Variants in UBR1 observed in about 807,000 individuals in gnomAD.
The protein encoded by UBR1 is ubiquitin protein ligase E3 component n-recognin 1.
UBR1 carries 102 observed loss-of-function variants against 242.1 expected under a neutral mutation model. That is an observed-to-expected ratio of 0.42 (90% confidence interval 0.36 to 0.50). The LOEUF (loss-of-function observed/expected upper bound fraction) is 0.50, where lower values mean the gene tolerates loss of function less well. UBR1 is among the 20% of genes least tolerant of loss of function. UBR1 has a pLI of 0.01. For missense variants in UBR1, 1,772 were observed against 2,101.8 expected (o/e 0.84, Z 3.07); for synonymous variants, 675 against 684.8 (o/e 0.99, Z 0.22).
intron 26 of UBR1, among the ~76,000 whole-genome samples, chr15:43,022,266 A>G (rs1183586685): frequency 6.6e-6 from 1 of 152,140 alleles, no homozygotes; most frequent in Non-Finnish European, 1.5e-5. Context: ...TTTTCTTCCA[A>G]GTTGAATACA....
Position 42,983,882 on chromosome 15 carries a change from C to T in UBR1, c.4150+15G>A. On this transcript the variant is annotated intron_variant, in intron 37 of 46. Coordinates refer to ENST00000290650, the MANE Select transcript of UBR1 (RefSeq NM_174916.3). Reference sequence around the variant, plus strand: ...AATAATATAATACATAATAATAGTTCAGAGAAGACTCTACCTGATAGAAGA... The same window carrying T: ...AATAATATAATACATAATAATAGTTTAGAGAAGACTCTACCTGATAGAAGA... 1 of 1,549,254 alleles carries T rather than the reference C, an allele frequency of 6.5e-7. No homozygotes were observed. The highest frequency in any genetic ancestry group is 8.9e-7 in the Non-Finnish European group (1 of 1,124,062).
chr15:42,985,819 T>A (rs928345400), intron 35 of UBR1, among the ~76,000 whole-genome samples: 16 of 151,462 alleles, frequency 1.1e-4, no homozygotes, highest in African/African-American at 3.9e-4. Flanking sequence ...TGAAACCCTG[T>A]CTCTACAAAA....
intron 29 of UBR1, among the ~76,000 whole-genome samples, chr15:43,015,101 G>A (rs1191493035): frequency 6.6e-6 from 1 of 152,026 alleles, no homozygotes; most frequent in Admixed American, 6.5e-5. Flanking sequence ...ACTGGGAAGT[G>A]AGGAGCCCCT....
At chr15:43,020,817 C>A (rs1194640155) in intron 27 of UBR1, among the ~76,000 whole-genome samples, 2 of 152,202 alleles carry the variant, frequency 1.3e-5, no homozygotes, top group African/African-American at 4.8e-5. Context: ...CCAGACTCTT[C>A]TAAGACTGAC....
chr15:43,047,260 C>A lies in UBR1; in HGVS notation c.1569G>T (p.Gly523=). 6.2e-7 allele frequency: 1 copy of A among 1,614,178 alleles called. No homozygotes were observed. Among genetic ancestry groups the A allele is most frequent in the Non-Finnish European group, 8.5e-7 (1 of 1,180,032 alleles). Residue 523 remains glycine, a synonymous_variant, in exon 14 of 47, where the codon GGG becomes GGT. Transcript: ENST00000290650. ...AATCAGGATCCACTTCAATGTGTTGCCCAACCTGTCTTCGGATTTCTTCCA... is the reference window on the plus strand; with the variant it reads ...AATCAGGATCCACTTCAATGTGTTGACCAACCTGTCTTCGGATTTCTTCCA... The part of the protein sequence containing the change: ...QGMEEIRRQV[G]QHIEVDPDWE...
At chr15:43,092,371 T>C (rs2034115111) in intron 1 of UBR1, among the ~76,000 whole-genome samples, 1 of 152,234 alleles carries the variant, frequency 6.6e-6, no homozygotes, top group South Asian at 2.1e-4. Flanking sequence ...TGTGTACATC[T>C]AGCCTCTTCA....
intron 38 of UBR1, among the ~76,000 whole-genome samples, chr15:42,977,098 T>C (rs1320231312): frequency 1.3e-5 from 2 of 152,194 alleles, no homozygotes; most frequent in Non-Finnish European, 2.9e-5. Flanking sequence ...TGTCTACTTA[T>C]TGTAGGTCTA....
At chr15:43,073,705 G>A (rs778695615) in intron 4 of UBR1, among the ~76,000 whole-genome samples, 2 of 152,008 alleles carry the variant, frequency 1.3e-5, no homozygotes, top group African/African-American at 2.4e-5. Context: ...CAATTATATT[G>A]GTTATTTATT....
chr15:43,105,898 G>A (rs2034291016), intron 1 of UBR1, 44 bp downstream of exon 1: 2 of 1,588,810 alleles, frequency 1.3e-6, no homozygotes, highest in Non-Finnish European at 1.7e-6. Context: ...GCAGTAGGGA[G>A]GGACCGGGGG....
intron 10 of UBR1, 43 bp downstream of exon 10, chr15:43,058,298 C>T (rs771879077): frequency 1.1e-5 from 13 of 1,172,774 alleles, no homozygotes; most frequent in Non-Finnish European, 1.6e-5. Flanking sequence ...TTTATAAAAA[C>T]TGCCTATTTC....
intron 44 of UBR1, among the ~76,000 whole-genome samples, chr15:42,953,491 T>C (rs12917056): frequency 0.05 from 7,633 of 152,272 alleles, 283 homozygotes; most frequent in South Asian, 0.091. Context: ...CCTGTCTCCA[T>C]AGGAGCAGAG....
chr15:42,964,490 CA>C (rs1297418111), intron 41 of UBR1, among the ~76,000 whole-genome samples: 6 of 151,910 alleles, frequency 3.9e-5, no homozygotes, highest in African/African-American at 7.3e-5. Flanking sequence ...AAAAAACAAA[CA>C]AACAAACAAA....
intron 30 of UBR1, among the ~76,000 whole-genome samples, chr15:43,005,987 G>A (rs572944484): frequency 2.1e-4 from 31 of 147,276 alleles, no homozygotes; most frequent in South Asian, 4.4e-4. Context: ...GAAAACCAGA[G>A]ACCCTTGTTC....
At chr15:43,014,143 C>T (rs967584293) in intron 29 of UBR1, among the ~76,000 whole-genome samples, 5 of 152,270 alleles carry the variant, frequency 3.3e-5, no homozygotes, top group African/African-American at 9.6e-5. Context: ...CTCGGCCTCC[C>T]GAGGTGCCGG....
At chr15:42,998,356 A>T in intron 32 of UBR1, 91 bp from the exon 33 acceptor site, 1 of 1,219,846 alleles carries the variant, frequency 8.2e-7, no homozygotes, top group East Asian at 2.5e-5. Context: ...ATAAATGGTC[A>T]TATAAAAAAG....
intron 27 of UBR1, 61 bp from the exon 28 acceptor site, chr15:43,017,242 G>T: frequency 1.7e-6 from 2 of 1,151,944 alleles, no homozygotes. Flanking sequence ...ACCAGGAACA[G>T]AAACATTCAC....
intron 19 of UBR1, 93 bp from the exon 20 acceptor site, chr15:43,032,724 C>A: frequency 1.3e-6 from 1 of 762,068 alleles, no homozygotes; most frequent in Admixed American, 2.4e-5. Flanking sequence ...TCCATCCAGC[C>A]TAGTATTTTT....
intron 12 of UBR1, among the ~76,000 whole-genome samples, chr15:43,052,706 G>T (rs746618584): frequency 6.6e-6 from 1 of 150,718 alleles, no homozygotes; most frequent in Non-Finnish European, 1.5e-5. Flanking sequence ...GAAAGAGTAA[G>T]ATGTGACTAC....
intron 14 of UBR1, 101 bp downstream of exon 14, chr15:43,047,060 A>T (rs1338131011): frequency 4.4e-6 from 6 of 1,374,936 alleles, no homozygotes; most frequent in Non-Finnish European, 6.1e-6. Context: ...TACTATAAAT[A>T]ATAAAAACTT....
Sources: allele counts gnomAD v4.1 joint callset (sites outside exome capture counted in the v4.1 genomes callset), GRCh38; gene constraint gnomAD v4.1.1; transcripts MANE v1.5; gene names NCBI Gene and HGNC (gene_info 2026-07-23, HGNC 2026-07-21).